MDM1: variants seen among roughly 807,000 people sequenced by gnomAD.
MDM1 encodes the protein Mdm1 nuclear protein.
A neutral mutation model predicts 89.1 loss-of-function variants in MDM1; 61 were observed. That is an observed-to-expected ratio of 0.68 (90% CI 0.56 to 0.85). The LOEUF (loss-of-function observed/expected upper bound fraction) is 0.85. Ranked by LOEUF, MDM1 falls within the 40% of genes least tolerant of loss-of-function variation. The pLI, the probability that MDM1 is intolerant of heterozygous loss-of-function variation, is 0.00. For missense variants in MDM1, 820 were observed against 846.5 expected (o/e 0.97, Z 0.39); for synonymous variants, 290 against 294.1 (o/e 0.99, Z 0.14).
chr12:68,321,323 C>T, intron 7 of MDM1, 24 bp downstream of exon 7: 1 of 1,576,406 alleles, frequency 6.3e-7, no homozygotes, highest in Middle Eastern at 1.7e-4. Context: ...AACATGTAGG[C>T]TTATTGAGGT....
chr12:68,332,236 G>T lies in MDM1; in HGVS notation c.10C>A (p.Arg4Ser). 1 of 1,581,350 alleles carries T rather than the reference G, an allele frequency of 6.3e-7. No homozygotes were observed. Residue 4 changes from arginine to serine, a missense_variant, in exon 1 of 15, where the codon CGC becomes AGC. Transcript: ENST00000682720. MPVRFKGLSEYQRN... is the reference protein window; with the variant it reads MPVSFKGLSEYQRN... ...GGGGACCCCAGCCTCACCTTGAAGC[G>T]CACCGGCATGTCGCCCGGCGCCGGA...
chr12:68,309,051 A>G (rs1419818825), intron 12 of MDM1, among the ~76,000 whole-genome samples: 1 of 152,164 alleles, frequency 6.6e-6, no homozygotes, highest in Non-Finnish European at 1.5e-5. Context: ...CTTGCCTCCT[A>G]TGGCAGCCGG....
chr12:68,297,325 C>T (rs111424045), intron 13 of MDM1, among the ~76,000 whole-genome samples: 5 of 152,238 alleles, frequency 3.3e-5, no homozygotes, highest in African/African-American at 7.2e-5. Context: ...ATTAAATACA[C>T]GCATTTACAA....
At chr12:68,327,070 C>T in intron 2 of MDM1, 49 bp from the exon 3 acceptor site, 3 of 1,518,902 alleles carry the variant, frequency 2.0e-6, no homozygotes, top group Non-Finnish European at 2.6e-6. Flanking sequence ...CAAAAAGTTA[C>T]AAAGACAACT....
chr12:68,298,837 A>C (rs951384743), intron 13 of MDM1, among the ~76,000 whole-genome samples: 1 of 152,174 alleles, frequency 6.6e-6, no homozygotes, highest in Admixed American at 6.5e-5. Context: ...TCAACTCAGT[A>C]AACAAAATAC....
Position 68,332,348 on chromosome 12 carries a change from C to T in MDM1, c.-103G>A. 6 of 1,370,428 alleles carry T rather than the reference C, an allele frequency of 4.4e-6. No individual in the cohort carries two copies. Among genetic ancestry groups the T allele is most frequent in the Non-Finnish European group, 5.9e-6 (6 of 1,024,208 alleles). The allele number at this position is 1,370,428 out of a possible 1,614,324, so 84.9% of individuals were successfully genotyped here. The stretch of plus-strand genomic sequence containing the variant: ...GTTCCCTAGCAAAGCCTCGGCCCGG[C>T]GTCCCCGACTACGCGCCGGCGCACT... On this transcript the variant is annotated 5_prime_UTR_variant, in exon 1 of 15. Transcript: ENST00000682720.
At chr12:68,331,593 C>T (rs1876828122) in intron 1 of MDM1, among the ~76,000 whole-genome samples, 1 of 152,156 alleles carries the variant, frequency 6.6e-6, no homozygotes, top group African/African-American at 2.4e-5. Context: ...TGTACCATGC[C>T]TAGGACCTTT....
rs1338087281 is a variant in MDM1, at chr12:68,295,119, A to G, written c.*135T>C. On this transcript the variant is annotated 3_prime_UTR_variant, in exon 15 of 15. Transcript: ENST00000682720. The stretch of plus-strand genomic sequence containing the variant: ...AAGCCTATGTTAACAATTTCCAAGT[A>G]AACTGTTCTATTGGAAATTAAATAT... 3.6e-6 allele frequency: 2 copies of G among 553,802 alleles called. No homozygotes were observed. Among genetic ancestry groups the G allele is most frequent in the Non-Finnish European group, 6.5e-6 (2 of 307,700 alleles). The allele number at this position is 553,802 out of a possible 1,614,324, so 34.3% of individuals were successfully genotyped here.
At chr12:68,319,476 C>T (rs1874936975) in intron 7 of MDM1, among the ~76,000 whole-genome samples, 1 of 152,168 alleles carries the variant, frequency 6.6e-6, no homozygotes, top group South Asian at 2.1e-4. Flanking sequence ...AGTGTGAATA[C>T]ACTCCTTCCT....
Position 68,315,083 on chromosome 12 carries a change from T to TTCTGTACGTCTTCACTTGTGTTC in MDM1, c.1371_1393dup (p.Lys465ArgfsTer51). 6.2e-7 allele frequency: 1 copy of TTCTGTACGTCTTCACTTGTGTTC among 1,614,184 alleles called. No individual in the cohort carries two copies. The highest frequency in any genetic ancestry group is 2.2e-5 in the East Asian group (1 of 44,880). On this transcript the variant is annotated frameshift_variant, in exon 10 of 15. Coordinates refer to ENST00000682720, the MANE Select transcript of MDM1 (RefSeq NM_001354969.2). LOFTEE classifies it high-confidence loss of function. ...CTCCTCCTCTTTCTCCCCGGGCTGTTTCTGTACGTCTTCACTTGTGTTCTC... is the reference window on the plus strand; with the variant it reads ...CTCCTCCTCTTTCTCCCCGGGCTGTTTCTGTACGTCTTCACTTGTGTTCTCTGTACGTCTTCACTTGTGTTCTC...
chr12:68,300,347 A>G (rs1290561812), intron 13 of MDM1, among the ~76,000 whole-genome samples: 2 of 152,196 alleles, frequency 1.3e-5, no homozygotes, highest in African/African-American at 2.4e-5. Context: ...CAATATTAAC[A>G]TTGAACGTAA....
intron 2 of MDM1, chr12:68,327,497 T>A: frequency 6.5e-7 from 1 of 1,535,842 alleles, no homozygotes; most frequent in Non-Finnish European, 8.7e-7. Flanking sequence ...TGGTTCTACA[T>A]CTGCCTTGAT....
At chr12:68,295,628 G>T in intron 14 of MDM1, among the ~76,000 whole-genome samples, 1 of 152,030 alleles carries the variant, frequency 6.6e-6, no homozygotes, top group African/African-American at 2.4e-5. Context: ...TTGAAATCCC[G>T]TCATTAACAG....
chr12:68,313,867 C>A (rs908577064), intron 10 of MDM1, 114 bp from the exon 11 acceptor site: 6 of 877,716 alleles, frequency 6.8e-6, no homozygotes, highest in Admixed American at 4.8e-5. Flanking sequence ...AGAGGCCAGG[C>A]GCGGTGGCTC....
chr12:68,323,281 A>G (rs1875489428), intron 4 of MDM1, 41 bp from the exon 5 acceptor site: 1 of 1,447,962 alleles, frequency 6.9e-7, no homozygotes, highest in African/African-American at 1.5e-5. Flanking sequence ...TGTTGATTAA[A>G]TATGCGGAAC....
rs759732289 is a variant in MDM1, at chr12:68,315,185, G to A, written c.1292C>T (p.Pro431Leu). The change falls in exon 10 of 15, where the codon CCC becomes CTC. Residue 431 changes from proline (P) to leucine (L), a missense_variant. Coordinates refer to ENST00000682720, the MANE Select transcript of MDM1 (RefSeq NM_001354969.2). ...EEKGNIVEEQ[P>L]QKNTTEKLGV... ...CAATTTCTCCGTGGTATTTTTCTGG[G>A]GCTGTTCTTCCACGATATTTCCTTT... is the stretch of plus-strand genomic sequence containing the variant. The A allele has an allele frequency of 1.9e-6, 3 of 1,614,140 alleles. No homozygotes were observed. Among genetic ancestry groups the A allele is most frequent in the Middle Eastern group, 3.3e-4 (2 of 6,062 alleles).
At chr12:68,304,282 A>G (rs1307955283) in intron 12 of MDM1, among the ~76,000 whole-genome samples, 1 of 152,196 alleles carries the variant, frequency 6.6e-6, no homozygotes, top group African/African-American at 2.4e-5. Flanking sequence ...TTAAAAACAA[A>G]ACAAGGCAAA....
chr12:68,303,457 A>G (rs567824476), intron 12 of MDM1, among the ~76,000 whole-genome samples: 1 of 152,198 alleles, frequency 6.6e-6, no homozygotes, highest in African/African-American at 2.4e-5. Flanking sequence ...AAGCCTTAAA[A>G]TTTAGCATTC....
chr12:68,309,554 T>C (rs755956815), intron 12 of MDM1, among the ~76,000 whole-genome samples: 3 of 152,320 alleles, frequency 2.0e-5, no homozygotes, highest in Admixed American at 1.3e-4. Flanking sequence ...ATCATTGCCA[T>C]AGCATGTGGG....
Sources: allele counts gnomAD v4.1 joint callset (sites outside exome capture counted in the v4.1 genomes callset), GRCh38; gene constraint gnomAD v4.1.1; transcripts MANE v1.5; gene names NCBI Gene and HGNC (gene_info 2026-07-23, HGNC 2026-07-21).